Variants in MACF1 observed in about 807,000 individuals in gnomAD.
MACF1 encodes microtubule-actin cross-linking factor 1.
Under a neutral mutation model 854.8 loss-of-function variants are expected in MACF1, and 193 were observed. The ratio of observed to expected loss-of-function variants is 0.23; its 90% CI spans 0.20 to 0.25. MACF1 has a LOEUF of 0.25. MACF1 is among the 10% of genes least tolerant of loss of function. MACF1 has a pLI of 1.00. For missense variants in MACF1, 7,722 were observed against 8,929.1 expected (o/e 0.86, Z 5.45); for synonymous variants, 3,185 against 3,226.7 (o/e 0.99, Z 0.44).
chr1:39,438,914 C>T (rs754695424), intron 71 of MACF1, among the ~76,000 whole-genome samples: 29 of 151,706 alleles, frequency 1.9e-4, no homozygotes, highest in Non-Finnish European at 3.8e-4. Context: ...GAAACCCCGA[C>T]TCTACCAAAA....
At chr1:39,280,623 G>A (rs1330832670) in intron 6 of MACF1, among the ~76,000 whole-genome samples, 2 of 152,002 alleles carry the variant, frequency 1.3e-5, no homozygotes, top group African/African-American at 4.8e-5. Flanking sequence ...TGTCGCCCAG[G>A]CTAGGGTGCA....
chr1:39,201,955 CTTTTTTTTTTTTTTTTT>C (rs748333630), upstream of MACF1, among the ~76,000 whole-genome samples: 8 of 52,312 alleles, frequency 1.5e-4, no homozygotes, highest in Non-Finnish European at 2.2e-4. Flanking sequence ...TGCTCATATT[CTTTTTTTTTTTTTTTTT>C]TTTTTTTTTT....
intron 55 of MACF1, among the ~76,000 whole-genome samples, chr1:39,380,586 G>A (rs555606145): frequency 1.3e-5 from 2 of 152,302 alleles, no homozygotes; most frequent in South Asian, 4.1e-4. Context: ...TCTTGGGCAA[G>A]TCAAACTGGT....
Position 39,281,464 on chromosome 1 carries a change from A to G in MACF1, c.529-744A>G, listed in dbSNP as rs536758571. ...TCTTAAATTTGGTAATCATTGTCCTATGTCATTAAAATTTTCTTTGTAAAA... is the reference window on the plus strand; with the variant it reads ...TCTTAAATTTGGTAATCATTGTCCTGTGTCATTAAAATTTTCTTTGTAAAA... On this transcript the variant is annotated intron_variant, in intron 6 of 100. Transcript: ENST00000564288. Among the ~76,000 whole-genome samples, 4 of 140,146 alleles carry G rather than the reference A, an allele frequency of 2.9e-5. No individual in the cohort carries two copies. In the East Asian group the frequency reaches 7.7e-4, roughly 27 times the overall value. The allele number at this position is 140,146 out of a possible 152,430, so 91.9% of individuals were successfully genotyped here. A position where few individuals can be genotyped will look rare whatever the true frequency, so the allele number is the denominator to read the frequency against.
At chr1:39,103,961 C>T (rs754893402) in intron 2 of MACF1, among the ~76,000 whole-genome samples, 30 of 152,208 alleles carry the variant, frequency 2.0e-4, no homozygotes, top group Admixed American at 9.2e-4. Flanking sequence ...ATACTTGGCA[C>T]TACTCACAAG....
intron 2 of MACF1, among the ~76,000 whole-genome samples, chr1:39,241,349 C>G (rs1010087467): frequency 6.6e-6 from 1 of 151,998 alleles, no homozygotes; most frequent in Non-Finnish European, 1.5e-5. Flanking sequence ...ATTTCTAGAT[C>G]AAGTTTTCGG....
chr1:39,413,110 G>C (rs377071603), intron 58 of MACF1: 1 of 1,607,768 alleles, frequency 6.2e-7, no homozygotes, highest in African/African-American at 1.3e-5. Flanking sequence ...GTCAGCTGTC[G>C]CAGGGTTCTC....
intron 65 of MACF1, 145 bp from the exon 66 acceptor site, chr1:39,430,557 A>G: frequency 3.0e-6 from 2 of 671,788 alleles, no homozygotes; most frequent in East Asian, 5.4e-5. Context: ...ATGATTGAAA[A>G]ATCTGAGATG....
chr1:39,335,895 C>A lies in MACF1; in HGVS notation c.9307C>A (p.Pro3103Thr), dbSNP rs774260355. Residue 3103 changes from proline (P) to threonine (T), a missense_variant, in exon 37 of 101, where the codon CCT becomes ACT. Around this residue, in one of 15 missense-constraint regions of MACF1, gnomAD observed 854 missense variants for 852.6 expected, o/e 1.00. Coordinates refer to ENST00000564288, the MANE Select transcript of MACF1 (RefSeq NM_001394062.1). ...IACGAQSEPF[P>T]CMTPRPEGLH... is the part of the protein sequence containing the mutation. Reference sequence around the variant, plus strand: ...CTGTGGGGCCCAGAGTGAACCATTCCCTTGTATGACCCCAAGACCTGAAGG... The same window carrying A: ...CTGTGGGGCCCAGAGTGAACCATTCACTTGTATGACCCCAAGACCTGAAGG... The A allele has an allele frequency of 1.2e-6, 2 of 1,614,018 alleles. No homozygotes were observed. Among genetic ancestry groups the A allele is most frequent in the Middle Eastern group, 1.6e-4 (1 of 6,062 alleles).
In MACF1 at chr1:39,283,233, G is replaced by A. The variant is rs377721676; in HGVS notation, c.740G>A (p.Arg247Gln). 15 of 1,613,904 alleles carry A rather than the reference G, an allele frequency of 9.3e-6. No individual in the cohort carries two copies. The highest frequency in any genetic ancestry group is 8.9e-5 in the East Asian group (4 of 44,886). The change falls in exon 8 of 101, where the codon CGA (arginine) becomes CAA (glutamine). Residue 247 changes from arginine to glutamine, a missense_variant. This residue lies in a region of MACF1 where 108 missense variants were observed against 196.4 expected (regional missense o/e 0.55). Transcript: ENST00000564288. This position sits in a 1 kb window ranked among gnomAD's most constrained non-coding sequence, Gnocchi z 4.5. ...GAGAGGGTGCAAATCCAAAGTAACC[G>A]AGAGAATCTGGAACAGGCTTTTGAA... ...DMERVQIQSN[R>Q]ENLEQAFEVA...
chr1:39,099,150 C>A (rs974392579), intron 2 of MACF1, among the ~76,000 whole-genome samples: 1 of 152,202 alleles, frequency 6.6e-6, no homozygotes, highest in African/African-American at 2.4e-5. Context: ...ACACTCACTA[C>A]TAGCAAAGAA....
chr1:39,318,202 G>T (rs565947709), intron 29 of MACF1, among the ~76,000 whole-genome samples: 4 of 152,184 alleles, frequency 2.6e-5, no homozygotes, highest in African/African-American at 7.2e-5. Context: ...AAGGATTATT[G>T]TGGGATGCTA....
At chr1:39,267,419 C>T (rs577882077) in intron 6 of MACF1, among the ~76,000 whole-genome samples, 3 of 152,250 alleles carry the variant, frequency 2.0e-5, no homozygotes, top group Admixed American at 6.5e-5. Context: ...TTAGTAGAGA[C>T]GGGGTTTCAC....
intron 6 of MACF1, among the ~76,000 whole-genome samples, chr1:39,278,299 A>G (rs1006117258): frequency 8.5e-5 from 13 of 152,214 alleles, no homozygotes; most frequent in African/African-American, 2.9e-4. Context: ...GGTTGTGATG[A>G]TAATCCCATT....
At chr1:39,410,609 C>T (rs1642949491) in intron 58 of MACF1, 1 of 1,614,010 alleles carries the variant, frequency 6.2e-7, no homozygotes, top group Non-Finnish European at 8.5e-7. Flanking sequence ...GCACCTGTGC[C>T]ACCCAGAAGG....
chr1:39,181,591 G>A (rs961479369), intron 2 of MACF1, among the ~76,000 whole-genome samples: 41 of 152,010 alleles, frequency 2.7e-4, no homozygotes, highest in Non-Finnish European at 7.4e-5. Context: ...AAGGGACCCA[G>A]AATAGTCAAA....
chr1:39,236,433 C>T (rs1644859964), intron 2 of MACF1, among the ~76,000 whole-genome samples: 1 of 152,214 alleles, frequency 6.6e-6, no homozygotes, highest in Admixed American at 6.5e-5. Context: ...ACAAACTTAA[C>T]ACCTCTTCAG....
Position 39,334,553 on chromosome 1 carries a change from T to G in MACF1, c.7965T>G (p.Ile2655Met), listed in dbSNP as rs1646779200. ...RYLEVIPFSDIKDGVSDKVLT... is the reference protein window; with the variant it reads ...RYLEVIPFSDMKDGVSDKVLT... ...TAGAAGTAATTCCCTTCTCAGACATTAAAGATGGGGTGAGCGACAAAGTGC... is the reference window on the plus strand; with the variant it reads ...TAGAAGTAATTCCCTTCTCAGACATGAAAGATGGGGTGAGCGACAAAGTGC... The change falls in exon 37 of 101, where the codon ATT (isoleucine) becomes ATG (methionine). Residue 2655 changes from isoleucine to methionine, a missense_variant. By Grantham distance (10) the Ile-to-Met change is conservative. Coordinates refer to ENST00000564288, the MANE Select transcript of MACF1 (RefSeq NM_001394062.1). The G allele has an allele frequency of 6.2e-7, 1 of 1,613,978 alleles. No individual in the cohort carries two copies. Among genetic ancestry groups the G allele is most frequent in the African/African-American group, 1.3e-5 (1 of 74,898 alleles).
At chr1:39,440,345 A>G (rs978975410) in intron 72 of MACF1, among the ~76,000 whole-genome samples, 5 of 151,406 alleles carry the variant, frequency 3.3e-5, no homozygotes, top group South Asian at 2.1e-4. Flanking sequence ...GGCTCAAGCA[A>G]TCCTCCAGCC....
Sources: allele counts gnomAD v4.1 joint callset (sites outside exome capture counted in the v4.1 genomes callset), GRCh38; gene constraint gnomAD v4.1.1; regional missense constraint gnomAD v4.1.1; non-coding constraint Gnocchi (gnomAD v3.1); transcripts MANE v1.5; gene names NCBI Gene and HGNC (gene_info 2026-07-23, HGNC 2026-07-21).